The following TAFA4 variants were observed in gnomAD, a reference collection of about 807,000 sequenced individuals.
The protein encoded by TAFA4 is chemokine-like protein TAFA-4.
A neutral mutation model predicts 21.1 loss-of-function variants in TAFA4; 20 were observed. The ratio of observed to expected loss-of-function variants is 0.95; its 90% confidence interval spans 0.67 to 1.38. The LOEUF is 1.38. Among genes scored for constraint, TAFA4 ranks in the 40% most tolerant of loss-of-function variants. The probability of loss-of-function intolerance (pLI) is 0.00; values close to 1 mark genes in which losing one functional copy is unlikely to be tolerated. For missense variants in TAFA4, 211 were observed against 180.9 expected, an observed-to-expected ratio of 1.17 and a Z score of -0.95; for synonymous variants, 71 against 67.4, an observed-to-expected ratio of 1.05 and a Z score of -0.26.
At chr3:68,806,183 C>G (rs967462415) in intron 3 of TAFA4, among the ~76,000 whole-genome samples, 1 of 151,066 alleles carries the variant, frequency 6.6e-6, no homozygotes, top group Non-Finnish European at 1.5e-5. Flanking sequence ...AGTCAGGAAA[C>G]AGAAAAAAAA....
intron 4 of TAFA4, among the ~76,000 whole-genome samples, chr3:68,746,184 G>A (rs1233782167): frequency 6.6e-6 from 1 of 152,142 alleles, no homozygotes; most frequent in Admixed American, 6.5e-5. Context: ...ATGGGCTGAA[G>A]GCTGCACTGT....
chr3:68,804,354 C>T (rs891043609), intron 3 of TAFA4, among the ~76,000 whole-genome samples: 12 of 152,044 alleles, frequency 7.9e-5, no homozygotes, highest in Non-Finnish European at 1.3e-4. Context: ...AAATCAACAT[C>T]GTGAAAATGG....
chr3:68,804,960 A>C (rs1049588889), intron 3 of TAFA4, among the ~76,000 whole-genome samples: 2 of 152,352 alleles, frequency 1.3e-5, no homozygotes, highest in Non-Finnish European at 2.9e-5. Context: ...AATAGGATCT[A>C]ATTAAACTAA....
intron 3 of TAFA4, among the ~76,000 whole-genome samples, chr3:68,777,059 G>C (rs1488901673): frequency 6.6e-6 from 1 of 152,020 alleles, no homozygotes; most frequent in South Asian, 2.1e-4. Flanking sequence ...TCTTCAGGCA[G>C]AGCAGAAGGA....
At chr3:68,848,310 C>T (rs1704858053) in intron 3 of TAFA4, among the ~76,000 whole-genome samples, 2 of 152,198 alleles carry the variant, frequency 1.3e-5, no homozygotes, top group African/African-American at 4.8e-5. Flanking sequence ...GGCTCTAAGG[C>T]TAGGCATGGG....
intron 3 of TAFA4, among the ~76,000 whole-genome samples, chr3:68,762,437 A>T (rs1274150649): frequency 6.6e-6 from 1 of 152,178 alleles, no homozygotes; most frequent in African/African-American, 2.4e-5. Flanking sequence ...AAAATCTCAT[A>T]GAGATGTCTG....
intron 1 of TAFA4, among the ~76,000 whole-genome samples, chr3:68,886,119 T>A (rs976437962): frequency 4.6e-5 from 7 of 152,194 alleles, no homozygotes; most frequent in African/African-American, 1.7e-4. Context: ...AAAAATGATT[T>A]TTGAAATGAA....
At chr3:68,771,506 C>T (rs1353488822) in intron 3 of TAFA4, among the ~76,000 whole-genome samples, 1 of 152,330 alleles carries the variant, frequency 6.6e-6, no homozygotes, top group East Asian at 1.9e-4. Flanking sequence ...GTCGCACTTC[C>T]TGCGAGGGGG....
intron 3 of TAFA4, among the ~76,000 whole-genome samples, chr3:68,851,924 T>G (rs1370625569): frequency 6.6e-6 from 1 of 152,070 alleles, no homozygotes; most frequent in African/African-American, 2.4e-5. Context: ...TTGCCTCAGA[T>G]GACCAGGAGG....
intron 3 of TAFA4, among the ~76,000 whole-genome samples, chr3:68,801,443 T>A (rs1033980594): frequency 2.0e-5 from 3 of 152,210 alleles, no homozygotes; most frequent in Non-Finnish European, 2.9e-5. Context: ...CTTCAGTGGC[T>A]AACATAAAAA....
At chr3:68,808,781 A>C (rs774536624) in intron 3 of TAFA4, among the ~76,000 whole-genome samples, 28 of 152,174 alleles carry the variant, frequency 1.8e-4, no homozygotes, top group Non-Finnish European at 3.2e-4. Context: ...AAAAGCCCAA[A>C]ATATCAATGG....
chr3:68,801,816 G>C (rs1482944980), intron 3 of TAFA4, among the ~76,000 whole-genome samples: 1 of 152,072 alleles, frequency 6.6e-6, no homozygotes, highest in African/African-American at 2.4e-5. Context: ...GGCCAGATTT[G>C]ATCAAAGTTT....
chr3:68,746,611 C>T (rs950023182), intron 4 of TAFA4, among the ~76,000 whole-genome samples: 1 of 152,086 alleles, frequency 6.6e-6, no homozygotes, highest in African/African-American at 2.4e-5. Context: ...GAAGCCATAC[C>T]AACTTGACCC....
intron 4 of TAFA4, among the ~76,000 whole-genome samples, chr3:68,747,252 T>C (rs550159213): frequency 6.6e-6 from 1 of 151,978 alleles, no homozygotes; most frequent in South Asian, 2.1e-4. Flanking sequence ...GTTTTCTCTC[T>C]CTCTCTCTCA....
intron 3 of TAFA4, among the ~76,000 whole-genome samples, chr3:68,801,127 G>A (rs1370061783): frequency 6.6e-6 from 1 of 152,180 alleles, no homozygotes; most frequent in Non-Finnish European, 1.5e-5. Context: ...CCAAGAAAGT[G>A]TACCCACCAT....
At chr3:68,744,704 T>C (rs540398731) in intron 4 of TAFA4, among the ~76,000 whole-genome samples, 1 of 152,214 alleles carries the variant, frequency 6.6e-6, no homozygotes, top group Admixed American at 6.5e-5. Context: ...CAGAACACTA[T>C]GCCACTTCTT....
intron 3 of TAFA4, among the ~76,000 whole-genome samples, chr3:68,868,495 T>G (rs563796238): frequency 1.3e-5 from 2 of 151,986 alleles, no homozygotes; most frequent in African/African-American, 4.8e-5. Context: ...AGGTCACATG[T>G]TGAGTGACAA....
chr3:68,836,133 C>T (rs1055064435), intron 3 of TAFA4, among the ~76,000 whole-genome samples: 10 of 152,182 alleles, frequency 6.6e-5, no homozygotes, highest in Admixed American at 2.6e-4. Context: ...CCCAATCTCC[C>T]GCTTCGGGCC....
intron 4 of TAFA4, among the ~76,000 whole-genome samples, chr3:68,743,078 C>T (rs140679709): frequency 6.6e-6 from 1 of 152,082 alleles, no homozygotes; most frequent in East Asian, 1.9e-4. Flanking sequence ...CGATTCTGGC[C>T]GAATATACTG....
Sources: allele counts gnomAD v4.1 joint callset (sites outside exome capture counted in the v4.1 genomes callset), GRCh38; gene constraint gnomAD v4.1.1; transcripts MANE v1.5; gene names NCBI Gene and HGNC (gene_info 2026-07-23, HGNC 2026-07-21).